The following CUL1 variants were observed in gnomAD, a reference collection of about 807,000 sequenced individuals.
The protein encoded by CUL1 is cullin 1, also known as cullin-1.
Under a neutral mutation model 118.0 loss-of-function variants are expected in CUL1, and 24 were observed. The observed-to-expected ratio is 0.20, with a 90% CI of 0.15 to 0.29. CUL1 has a LOEUF of 0.29. Among genes scored for constraint, CUL1 ranks in the 10% least tolerant of loss-of-function variants. The probability of loss-of-function intolerance (pLI) is 1.00; values close to 1 mark genes in which losing one functional copy is unlikely to be tolerated. For synonymous variants in CUL1, 332 were observed against 340.4 expected (o/e 0.98, Z 0.27); for missense variants, 361 against 933.8 (o/e 0.39, Z 7.99).
chr7:148,703,733 A>G (rs773156201), intron 1 of CUL1, among the ~76,000 whole-genome samples: 4 of 151,928 alleles, frequency 2.6e-5, no homozygotes, highest in East Asian at 1.9e-4. Flanking sequence ...GGGTTTCACC[A>G]TGTTGGCCAG....
At position 148,800,531 on chromosome 7, in the gene CUL1, A is replaced by G. The variant is rs1341698406; in HGVS notation, c.2280A>G (p.Glu760=). 1 of 1,614,054 alleles carries G rather than the reference A, an allele frequency of 6.2e-7. No homozygotes were observed. Among genetic ancestry groups the G allele is most frequent in the East Asian group, 2.2e-5 (1 of 44,890 alleles). ...KKCIDILIEK[E]YLERVDGEKD... ...GCATTGACATTCTAATTGAGAAAGA[A>G]TATTTGGAGCGAGTGGATGGTGAAA... Residue 760 remains glutamate (E), a synonymous_variant, in exon 22 of 22, where the codon GAA becomes GAG. Coordinates refer to ENST00000325222, the MANE Select transcript of CUL1 (RefSeq NM_003592.3). The surrounding 1 kb of genome is among the most constrained non-coding windows in gnomAD (Gnocchi z 4.6).
intron 7 of CUL1, among the ~76,000 whole-genome samples, chr7:148,766,336 G>A (rs974302353): frequency 6.6e-6 from 1 of 152,070 alleles, no homozygotes; most frequent in African/African-American, 2.4e-5. Flanking sequence ...GTGTTGCCCA[G>A]GCTGGTCTCA....
intron 1 of CUL1, among the ~76,000 whole-genome samples, chr7:148,710,086 C>T (rs1250993590): frequency 1.3e-5 from 2 of 151,980 alleles, no homozygotes; most frequent in Non-Finnish European, 2.9e-5. Flanking sequence ...AACCCTGTGT[C>T]AAAAATAAAT....
chr7:148,771,772 A>G (rs1800221992), intron 9 of CUL1, among the ~76,000 whole-genome samples: 1 of 152,222 alleles, frequency 6.6e-6, no homozygotes, highest in Non-Finnish European at 1.5e-5. Context: ...ATAGGCAAGT[A>G]ACCCCATGCA....
intron 2 of CUL1, among the ~76,000 whole-genome samples, chr7:148,751,902 G>T (rs1408728793): frequency 1.3e-5 from 2 of 152,204 alleles, no homozygotes; most frequent in African/African-American, 4.8e-5. Context: ...ATAGCCTGAA[G>T]TTGGGAGTTT....
At chr7:148,732,508 A>T (rs1472522076) in intron 2 of CUL1, among the ~76,000 whole-genome samples, 2 of 143,180 alleles carry the variant, frequency 1.4e-5, no homozygotes, top group African/African-American at 2.6e-5. Context: ...TGCCCGGCTA[A>T]TTTTTTTTTT....
chr7:148,764,900 A>G (rs1279262852), intron 7 of CUL1, among the ~76,000 whole-genome samples: 1 of 152,206 alleles, frequency 6.6e-6, no homozygotes, highest in Non-Finnish European at 1.5e-5. Flanking sequence ...CTTGTTCACT[A>G]ATGATTTGTT....
rs186082940 is a variant in CUL1 at position 148,719,034 on chromosome 7, G to A, written c.-161-10928G>A. Among the ~76,000 whole-genome samples, 348 of 152,230 alleles carry A rather than the reference G, an allele frequency of 2.3e-3. 1 individual carries two copies. The highest frequency in any genetic ancestry group is 2.9e-3 in the Non-Finnish European group (198 of 68,014). ...AGAGAAAACTTAGCTACTGTTGGCC[G>A]GGCGCAGTGGCTCACACCTGTAATC... On this transcript the variant is annotated intron_variant, in intron 1 of 21. Transcript: ENST00000325222.
intron 1 of CUL1, among the ~76,000 whole-genome samples, chr7:148,724,437 G>A (rs578211056): frequency 1.6e-4 from 24 of 152,262 alleles, no homozygotes; most frequent in Admixed American, 3.3e-4. Context: ...ACTGTGGCGC[G>A]TGTGTGTGTC....
chr7:148,715,736 TG>T (rs1798194315), intron 1 of CUL1, among the ~76,000 whole-genome samples: 1 of 152,222 alleles, frequency 6.6e-6, no homozygotes, highest in Non-Finnish European at 1.5e-5. Flanking sequence ...TGATTTCCTT[TG>T]GGCTACAATT....
At chr7:148,707,141 A>G (rs1375673244) in intron 1 of CUL1, among the ~76,000 whole-genome samples, 1 of 152,222 alleles carries the variant, frequency 6.6e-6, no homozygotes, top group Non-Finnish European at 1.5e-5. Flanking sequence ...TTTGTAGAAC[A>G]CATACTGATT....
rs1800489142 is a variant in CUL1 at position 148,778,337 on chromosome 7, TC to T, written c.1084-5442del. Among the ~76,000 whole-genome samples, 9 of 152,194 alleles carry T rather than the reference TC, an allele frequency of 5.9e-5. No homozygotes were observed. The South Asian group carries it at 1.9e-3, about 32-fold the overall frequency. On this transcript the variant is annotated intron_variant, in intron 9 of 21. Transcript: ENST00000325222. ...CCTATTAATATCAAAATTAATGTTTTCCCCTGAGCACGCACAGACTGGTAGT... is the reference window on the plus strand; with the variant it reads ...CCTATTAATATCAAAATTAATGTTTTCCCTGAGCACGCACAGACTGGTAGT...
At chr7:148,761,401 T>C (rs1383224370) in intron 7 of CUL1, among the ~76,000 whole-genome samples, 2 of 152,110 alleles carry the variant, frequency 1.3e-5, no homozygotes, top group African/African-American at 2.4e-5. Context: ...ATCCCAGCTA[T>C]TCAGGAGGCT....
chr7:148,733,217 T>G (rs1004913312), intron 2 of CUL1, among the ~76,000 whole-genome samples: 4 of 152,234 alleles, frequency 2.6e-5, no homozygotes, highest in African/African-American at 7.2e-5. Context: ...TTTCTATATT[T>G]TCTTTGAGAA....
chr7:148,710,512 C>T (rs928635021), intron 1 of CUL1, among the ~76,000 whole-genome samples: 13 of 152,016 alleles, frequency 8.6e-5, no homozygotes, highest in Non-Finnish European at 1.8e-4. Context: ...GAGGTTGTGG[C>T]GAGCCGAGAT....
chr7:148,782,717 T>A (rs897067405), intron 9 of CUL1, among the ~76,000 whole-genome samples: 7 of 152,238 alleles, frequency 4.6e-5, no homozygotes, highest in Admixed American at 2.0e-4. Flanking sequence ...TTACTGATAC[T>A]CATTGTTATT....
At chr7:148,768,148 T>C (rs544595205) in intron 9 of CUL1, among the ~76,000 whole-genome samples, 1 of 152,258 alleles carries the variant, frequency 6.6e-6, no homozygotes, top group Admixed American at 6.5e-5. Flanking sequence ...ACCACAGGGC[T>C]GTACTCTGGA....
intron 9 of CUL1, 41 bp downstream of exon 9, chr7:148,767,790 T>G: frequency 1.3e-6 from 2 of 1,599,320 alleles, no homozygotes; most frequent in Non-Finnish European, 1.7e-6. Flanking sequence ...GCTGATTATT[T>G]CCACATGCGA....
chr7:148,744,310 T>G (rs1023759015), intron 2 of CUL1, among the ~76,000 whole-genome samples: 14 of 152,122 alleles, frequency 9.2e-5, no homozygotes, highest in African/African-American at 3.1e-4. Flanking sequence ...CTTAAAAAGT[T>G]TCTTTGTTCT....
Sources: gnomAD v4.1 joint callset for allele counts (sites outside exome capture counted in the v4.1 genomes callset) on GRCh38, gnomAD v4.1.1 for gene constraint, Gnocchi (gnomAD v3.1) non-coding constraint, MANE v1.5 for transcripts, NCBI Gene and HGNC (gene_info 2026-07-23, HGNC 2026-07-21) for gene names.